The following KHDC3L variants were observed in gnomAD, a reference collection of about 807,000 sequenced individuals.
KHDC3L encodes KH domain containing 3 like, subcortical maternal complex member.
A neutral mutation model predicts 11.4 loss-of-function variants in KHDC3L; 6 were observed. The observed-to-expected ratio is 0.52, with a 90% confidence interval of 0.29 to 1.03. The LOEUF (loss-of-function observed/expected upper bound fraction) is 1.03. Among genes scored for constraint, KHDC3L ranks in the 50% least tolerant of loss-of-function variants. The pLI, the probability that KHDC3L is intolerant of heterozygous loss-of-function variation, is 0.09. For missense variants in KHDC3L, 293 were observed against 290.4 expected (o/e 1.01, Z -0.07); for synonymous variants, 127 against 120.9 (o/e 1.05, Z -0.33).
At position 73,363,153 on chromosome 6, in the gene KHDC3L, G is replaced by A; in HGVS notation, c.228G>A (p.Val76=). Residue 76 remains valine, a synonymous_variant, in exon 2 of 3, where the codon GTG becomes GTA. Coordinates refer to ENST00000370367, the MANE Select transcript of KHDC3L (RefSeq NM_001017361.3). ...VQGMSQILIH[V]NRLDPNGEAE... The stretch of plus-strand genomic sequence containing the variant: ...GTATGTCCCAAATCTTGATTCACGT[G>A]AATCGATTGGACCCTAACGGCGAGG... 1.2e-6 allele frequency: 2 copies of A among 1,614,176 alleles called. No homozygotes were observed. Among genetic ancestry groups the A allele is most frequent in the Non-Finnish European group, 1.7e-6 (2 of 1,180,040 alleles).
At position 73,362,767 on chromosome 6, in the gene KHDC3L, T is replaced by A; in HGVS notation, c.38T>A (p.Leu13Gln). 2 of 1,614,168 alleles carry A rather than the reference T, an allele frequency of 1.2e-6. No homozygotes were observed. The highest frequency in any genetic ancestry group is 1.7e-6 in the Non-Finnish European group (2 of 1,180,018). The change falls in exon 1 of 3, where the codon CTG becomes CAG. Residue 13 changes from leucine to glutamine, a missense_variant. Transcript: ENST00000370367. ...AGGCGGTTTCCGACGCTCGTGCAAC[T>A]GATGCAGCCAAAAGCAATGCCAGTG... ...APRRFPTLVQ[L>Q]MQPKAMPVEV...
Position 73,363,001 on chromosome 6 carries a change from G to A in KHDC3L, c.170-94G>A, listed in dbSNP as rs968377813. 43 of 1,603,908 alleles carry A rather than the reference G, an allele frequency of 2.7e-5. No individual in the cohort carries two copies. In the African/African-American group the frequency reaches 5.6e-4, roughly 21 times the overall value. On this transcript the variant is annotated intron_variant, in intron 1 of 2. Transcript: ENST00000370367. The stretch of plus-strand genomic sequence containing the variant: ...CGTTCCAGGGCGATCCTCACCAGTA[G>A]CCAATGCCCTCTGGCTGTCTCCTCC...
chr6:73,363,576 C>A lies in KHDC3L; in HGVS notation c.370C>A (p.Gln124Lys). Residue 124 changes from glutamine (Q) to lysine (K), a missense_variant, in exon 3 of 3, where the codon CAG becomes AAG. Transcript: ENST00000370367. ...TCCAGGCTCAGGAAAGGCCCTCGCC[C>A]AGGATGTCGCCACTCAGAAGGCCGA... ...QAKGSGKALAQDVATQKAETQ... is the reference protein window; with the variant it reads ...QAKGSGKALAKDVATQKAETQ... 1 of 1,610,862 alleles carries A rather than the reference C, an allele frequency of 6.2e-7. No individual in the cohort carries two copies.
Position 73,363,507 on chromosome 6 carries a change from G to A in KHDC3L, c.350-49G>A, listed in dbSNP as rs752987846. ...GCTTGGGTGACTGTCCTTTTTTGGAGAGGATATAGAGACACAGCTGTGGCC... is the reference window on the plus strand; with the variant it reads ...GCTTGGGTGACTGTCCTTTTTTGGAAAGGATATAGAGACACAGCTGTGGCC... On this transcript the variant is annotated intron_variant, in intron 2 of 2. Coordinates refer to ENST00000370367, the MANE Select transcript of KHDC3L (RefSeq NM_001017361.3). The A allele has an allele frequency of 6.4e-6, 10 of 1,573,208 alleles. No homozygotes were observed. The African/African-American group carries it at 9.5e-5, about 15-fold the overall frequency.
rs367829712 is a variant in KHDC3L, at chr6:73,363,672, A to C, written c.466A>C (p.Thr156Pro). Residue 156 changes from threonine (T) to proline (P), a missense_variant, in exon 3 of 3, where the codon ACC becomes CCC. By Grantham distance (38) the Thr-to-Pro change is conservative. Transcript: ENST00000370367. ...TTCGGTGGAGGTCCGGGAGGCCGGG[A>C]CCCAGCGTTCGGTGGAAGTCCAGGA... ...QRSVEVREAG[T>P]QRSVEVQEVG... is the part of the protein sequence containing the mutation. 2.0e-5 allele frequency: 32 copies of C among 1,612,474 alleles called. No individual in the cohort carries two copies. The highest frequency in any genetic ancestry group is 2.5e-5 in the Non-Finnish European group (30 of 1,179,728).
In KHDC3L at chr6:73,363,199, A is replaced by C; in HGVS notation, c.274A>C (p.Arg92=). 6.2e-7 allele frequency: 1 copy of C among 1,614,146 alleles called. No homozygotes were observed. The highest frequency in any genetic ancestry group is 8.5e-7 in the Non-Finnish European group (1 of 1,180,016). ...CGAGGCTGAGATCTTGGTATTTGGG[A>C]GGCCTTCTTACCAGGAGGACACAAT... The part of the protein sequence containing the change: ...NGEAEILVFG[R]PSYQEDTIKM... Residue 92 remains arginine (R), a synonymous_variant, in exon 2 of 3, where the codon AGG becomes CGG. Coordinates refer to ENST00000370367, the MANE Select transcript of KHDC3L (RefSeq NM_001017361.3).
At chr6:73,363,038 C>T (rs1418760003) in intron 1 of KHDC3L, 57 bp from the exon 2 acceptor site, 5 of 1,609,154 alleles carry the variant, frequency 3.1e-6, no homozygotes, top group African/African-American at 1.3e-5. Flanking sequence ...TCCACCTTCC[C>T]CTCCCAAGAC....
In KHDC3L at chr6:73,363,996, CT is replaced by C; in HGVS notation, c.*138del. ...TCTGTTGCATGGTTGCAAACACAAACTTGAGTTCTAATAAAGAATTGCAAAG... is the reference window on the plus strand; with the variant it reads ...TCTGTTGCATGGTTGCAAACACAAACTGAGTTCTAATAAAGAATTGCAAAG... On this transcript the variant is annotated 3_prime_UTR_variant, in exon 3 of 3. Coordinates refer to ENST00000370367, the MANE Select transcript of KHDC3L (RefSeq NM_001017361.3). 1.1e-6 allele frequency: 1 copy of C among 941,676 alleles called. No individual in the cohort carries two copies. The allele number at this position is 941,676 out of a possible 1,614,324, so 58.3% of individuals were successfully genotyped here. A position where few individuals can be genotyped will look rare whatever the true frequency, so the allele number is the denominator to read the frequency against.
chr6:73,363,806 GGCAGT>G lies in KHDC3L; in HGVS notation c.602_606del (p.Ala201AspfsTer14). 6.2e-7 allele frequency: 1 copy of G among 1,612,534 alleles called. No individual in the cohort carries two copies. The highest frequency in any genetic ancestry group is 8.5e-7 in the Non-Finnish European group (1 of 1,179,640). On this transcript the variant is annotated frameshift_variant, in exon 3 of 3. Transcript: ENST00000370367. LOFTEE classifies it low-confidence loss of function (END_TRUNC). Reference sequence around the variant, plus strand: ...AGCGATCCCCCGAAGCTGCCAGCAAGGCAGTGACCCAGCGGTTTCGCGAGGATGCC... The same window carrying G: ...AGCGATCCCCCGAAGCTGCCAGCAAGGACCCAGCGGTTTCGCGAGGATGCC...
In KHDC3L at chr6:73,363,838, G is replaced by C. The variant is rs545413359; in HGVS notation, c.632G>C (p.Arg211Pro). 1.9e-6 allele frequency: 3 copies of C among 1,610,236 alleles called. No individual in the cohort carries two copies. The highest frequency in any genetic ancestry group is 4.5e-5 in the East Asian group (2 of 44,876). ...ACCCAGCGGTTTCGCGAGGATGCCCGGGACCCAGTTACTAGATTATGAAGG... is the reference window on the plus strand; with the variant it reads ...ACCCAGCGGTTTCGCGAGGATGCCCCGGACCCAGTTACTAGATTATGAAGG... ...AVTQRFREDA[R>P]DPVTRL The change falls in exon 3 of 3, where the codon CGG becomes CCG. Residue 211 changes from arginine (R) to proline (P), a missense_variant. Arg to Pro is a moderately radical substitution (Grantham distance 103). Transcript: ENST00000370367.
At chr6:73,363,405 C>T in intron 2 of KHDC3L, 131 bp downstream of exon 2, 1 of 1,395,512 alleles carries the variant, frequency 7.2e-7, no homozygotes, top group Non-Finnish European at 1.0e-6. Flanking sequence ...GGGGAGGGGG[C>T]GGTTCTCGCT....
In KHDC3L at chr6:73,363,934, G is replaced by A; in HGVS notation, c.*74G>A. 1.3e-6 allele frequency: 2 copies of A among 1,498,542 alleles called. No individual in the cohort carries two copies. The highest frequency in any genetic ancestry group is 1.1e-5 in the South Asian group (1 of 88,116). 92.8% of individuals were successfully genotyped at this position (1,498,542 alleles called of 1,614,324 possible). A position where few individuals can be genotyped will look rare whatever the true frequency, so the allele number is the denominator to read the frequency against. On this transcript the variant is annotated 3_prime_UTR_variant, in exon 3 of 3. Transcript: ENST00000370367. ...GCCCGTATTTCCGCCCAGAAGCTGG[G>A]GTTGGGGAGAGGATGTGGATTTTTT...
At chr6:73,363,510 G>C (rs1335725351) in intron 2 of KHDC3L, 46 bp from the exon 3 acceptor site, 3 of 1,585,794 alleles carry the variant, frequency 1.9e-6, no homozygotes, top group African/African-American at 1.3e-5. Context: ...TTTTGGAGAG[G>C]ATATAGAGAC....
rs1768915420 is a variant in KHDC3L, at chr6:73,363,831, G to T, written c.625G>T (p.Asp209Tyr). The T allele has an allele frequency of 1.9e-6, 3 of 1,610,304 alleles. No homozygotes were observed. Among genetic ancestry groups the T allele is most frequent in the Non-Finnish European group, 2.5e-6 (3 of 1,179,612 alleles). The change falls in exon 3 of 3, where the codon GAT (aspartate) becomes TAT (tyrosine). Residue 209 changes from aspartate (D) to tyrosine (Y), a missense_variant. Coordinates refer to ENST00000370367, the MANE Select transcript of KHDC3L (RefSeq NM_001017361.3). ...SKAVTQRFRE[D>Y]ARDPVTRL ...GGCAGTGACCCAGCGGTTTCGCGAG[G>T]ATGCCCGGGACCCAGTTACTAGATT...
chr6:73,363,221 C>T lies in KHDC3L; in HGVS notation c.296C>T (p.Thr99Ile). ...VFGRPSYQED[T>I]IKMIMNLADY... Reference sequence around the variant, plus strand: ...GGGAGGCCTTCTTACCAGGAGGACACAATCAAGATGATCATGAACCTGGCT... The same window carrying T: ...GGGAGGCCTTCTTACCAGGAGGACATAATCAAGATGATCATGAACCTGGCT... The change falls in exon 2 of 3, where the codon ACA becomes ATA. Residue 99 changes from threonine (T) to isoleucine (I), a missense_variant. By Grantham distance (89) the Thr-to-Ile change is moderately conservative. Coordinates refer to ENST00000370367, the MANE Select transcript of KHDC3L (RefSeq NM_001017361.3). 1 of 1,614,176 alleles carries T rather than the reference C, an allele frequency of 6.2e-7. No individual in the cohort carries two copies. Among genetic ancestry groups the T allele is most frequent in the Admixed American group, 1.7e-5 (1 of 60,010 alleles).
rs1282964017 is a variant in KHDC3L at position 73,363,364 on chromosome 6, GC to G, written c.349+93del. Reference sequence around the variant, plus strand: ...TCCTGGCTGCTGGGGCGGCAGTCTCGCCCTCCCAGTCGGCCTGCGGTTGGTG... The same window carrying G: ...TCCTGGCTGCTGGGGCGGCAGTCTCGCCTCCCAGTCGGCCTGCGGTTGGTG... On this transcript the variant is annotated intron_variant, in intron 2 of 2. Coordinates refer to ENST00000370367, the MANE Select transcript of KHDC3L (RefSeq NM_001017361.3). 5.9e-6 allele frequency: 9 copies of G among 1,530,800 alleles called. No homozygotes were observed. The African/African-American group carries it at 9.6e-5, about 16-fold the overall frequency. 94.8% of individuals were successfully genotyped at this position (1,530,800 alleles called of 1,614,324 possible). A position where few individuals can be genotyped will look rare whatever the true frequency, so the allele number is the denominator to read the frequency against.
chr6:73,363,374 T>G, intron 2 of KHDC3L, 100 bp downstream of exon 2: 1 of 1,481,214 alleles, frequency 6.8e-7, no homozygotes, highest in Non-Finnish European at 9.3e-7. Flanking sequence ...GCCCTCCCAG[T>G]CGGCCTGCGG....
Position 73,363,019 on chromosome 6 carries a change from TCTC to T in KHDC3L, c.170-70_170-68del, listed in dbSNP as rs750001427. ...ACCAGTAGCCAATGCCCTCTGGCTG[TCTC>T]CTCCTTCCACCTTCCCCTCCCAAGA... On this transcript the variant is annotated intron_variant, in intron 1 of 2. Transcript: ENST00000370367. 1.0e-3 allele frequency: 1,644 copies of T among 1,603,028 alleles called. 3 individuals are homozygous for T. The highest frequency in any genetic ancestry group is 1.3e-3 in the Non-Finnish European group (1,572 of 1,171,610).
chr6:73,363,386 T>C, intron 2 of KHDC3L, 112 bp downstream of exon 2: 1 of 1,433,954 alleles, frequency 7.0e-7, no homozygotes, highest in Non-Finnish European at 9.7e-7. Context: ...GGCCTGCGGT[T>C]GGTGGGTGGG....
Sources: gnomAD v4.1 joint callset for allele counts on GRCh38, gnomAD v4.1.1 for gene constraint, MANE v1.5 for transcripts, NCBI Gene and HGNC (gene_info 2026-07-23, HGNC 2026-07-21) for gene names.